Variants in PCDH15 observed in about 807,000 individuals in gnomAD.
The protein encoded by PCDH15 is protocadherin related 15, also known as protocadherin-15.
In PCDH15, 129 loss-of-function variants were observed where a neutral mutation model predicts 178.5. The observed-to-expected ratio is 0.72, with a 90% CI of 0.63 to 0.84. The LOEUF (loss-of-function observed/expected upper bound fraction) is 0.84, where lower values mean the gene tolerates loss of function less well. Ranked by LOEUF, PCDH15 falls within the 40% of genes least tolerant of loss-of-function variation. PCDH15 has a pLI of 0.00. For synonymous variants in PCDH15, 800 were observed against 732.0 expected, an observed-to-expected ratio of 1.09 and a Z score of -1.50; for missense variants, 2,230 against 2,099.9, an observed-to-expected ratio of 1.06 and a Z score of -1.21.
chr10:54,700,054 G>C (rs1397845823), intron 1 of PCDH15, among the ~76,000 whole-genome samples: 1 of 152,036 alleles, frequency 6.6e-6, no homozygotes, highest in Non-Finnish European at 1.5e-5. Context: ...AAAGCTAGGG[G>C]CCTGGCATTA....
intron 1 of PCDH15, among the ~76,000 whole-genome samples, chr10:54,772,420 G>A (rs989131269): frequency 1.7e-3 from 253 of 151,838 alleles, no homozygotes; most frequent in Middle Eastern, 3.4e-3. Flanking sequence ...ATTATGGCTT[G>A]GAAAAATCAC....
intron 29 of PCDH15, among the ~76,000 whole-genome samples, chr10:53,838,204 T>C (rs2077424535): frequency 6.6e-6 from 1 of 151,946 alleles, no homozygotes. Flanking sequence ...CTCGATCTCC[T>C]GACCTCGTGA....
chr10:54,676,754 A>C (rs1468718192), intron 1 of PCDH15, among the ~76,000 whole-genome samples: 1 of 152,208 alleles, frequency 6.6e-6, no homozygotes, highest in African/African-American at 2.4e-5. Context: ...CTTACGATTC[A>C]GCAAGATATT....
intron 3 of PCDH15, among the ~76,000 whole-genome samples, chr10:54,379,817 G>A (rs1304967187): frequency 6.6e-6 from 1 of 151,914 alleles, no homozygotes; most frequent in African/African-American, 2.4e-5. Flanking sequence ...TAAACTTATA[G>A]ATATAGAAGA....
intron 5 of PCDH15, among the ~76,000 whole-genome samples, chr10:54,357,552 T>A (rs528684838): frequency 7.2e-4 from 110 of 152,096 alleles, no homozygotes; most frequent in Middle Eastern, 6.8e-3. Flanking sequence ...TGCTCATGGG[T>A]AGGAAGAATC....
intron 2 of PCDH15, among the ~76,000 whole-genome samples, chr10:55,070,363 TC>T (rs1488720590): frequency 4.6e-5 from 7 of 151,520 alleles, no homozygotes; most frequent in Admixed American, 1.3e-4. Flanking sequence ...CATGCCTATG[TC>T]CTGAATGGTA....
chr10:54,917,699 G>T (rs1837376681), intron 2 of PCDH15, among the ~76,000 whole-genome samples: 1 of 152,178 alleles, frequency 6.6e-6, no homozygotes, highest in South Asian at 2.1e-4. Context: ...GAAGAATGAA[G>T]ACTAGAGGTG....
At chr10:55,053,588 CA>C (rs1313962039) in intron 2 of PCDH15, among the ~76,000 whole-genome samples, 1 of 152,142 alleles carries the variant, frequency 6.6e-6, no homozygotes, top group African/African-American at 2.4e-5. Context: ...CATGGTGAGG[CA>C]ATAAACTTGA....
chr10:54,379,963 T>G (rs1038452822), intron 3 of PCDH15, among the ~76,000 whole-genome samples: 21 of 151,954 alleles, frequency 1.4e-4, no homozygotes, highest in Non-Finnish European at 2.5e-4. Flanking sequence ...GCTTGAAAAA[T>G]ATAACGAAAA....
intron 9 of PCDH15, among the ~76,000 whole-genome samples, chr10:54,219,667 G>A (rs889264718): frequency 4.0e-5 from 6 of 149,726 alleles, no homozygotes; most frequent in African/African-American, 1.5e-4. Flanking sequence ...ATGAATTCTG[G>A]TCCCCTTGCA....
At chr10:54,853,318 T>TACACAC (rs1554806809) in intron 3 of PCDH15, among the ~76,000 whole-genome samples, 22 of 102,034 alleles carry the variant, frequency 2.2e-4, no homozygotes, top group African/African-American at 9.0e-4. Flanking sequence ...TATATATATA[T>TACACAC]ACATACACAC....
chr10:54,504,409 C>A (rs1408002330), intron 3 of PCDH15, among the ~76,000 whole-genome samples: 1 of 152,024 alleles, frequency 6.6e-6, no homozygotes, highest in Non-Finnish European at 1.5e-5. Context: ...TCCATTATTC[C>A]TCCTTCCCTC....
At chr10:55,295,576 AC>A (rs1843112440) in intron 1 of PCDH15, among the ~76,000 whole-genome samples, 1 of 152,236 alleles carries the variant, frequency 6.6e-6, no homozygotes, top group African/African-American at 2.4e-5. Flanking sequence ...AAAATGATTT[AC>A]CTAAACATAT....
At chr10:55,124,449 A>T (rs1837848631) in intron 2 of PCDH15, among the ~76,000 whole-genome samples, 1 of 152,132 alleles carries the variant, frequency 6.6e-6, no homozygotes, top group Non-Finnish European at 1.5e-5. Flanking sequence ...CTTTTTAAAA[A>T]CTTTAATAGA....
At chr10:54,712,006 A>C (rs116513972) in intron 1 of PCDH15, among the ~76,000 whole-genome samples, 2,608 of 152,014 alleles carry the variant, frequency 0.017, 73 homozygotes, top group African/African-American at 0.058. Flanking sequence ...ATACAAATGA[A>C]TATTACACAT....
At chr10:54,399,561 A>C (rs1159238289) in intron 3 of PCDH15, among the ~76,000 whole-genome samples, 1 of 152,112 alleles carries the variant, frequency 6.6e-6, no homozygotes, top group Non-Finnish European at 1.5e-5. Context: ...GAAAGTCTAA[A>C]TGAAGAACTT....
intron 10 of PCDH15, among the ~76,000 whole-genome samples, chr10:54,199,937 T>C (rs1394471071): frequency 6.6e-6 from 1 of 151,966 alleles, no homozygotes; most frequent in Non-Finnish European, 1.5e-5. Flanking sequence ...AAAAATGAAG[T>C]ATAAAAAGCA....
chr10:53,823,469 G>A, intron 32 of PCDH15: 1 of 1,043,730 alleles, frequency 9.6e-7, no homozygotes, highest in Non-Finnish European at 1.5e-6. Context: ...AAACATCAAA[G>A]GCCAAACAAC....
chr10:55,337,044 A>G (rs1287598017), intron 2 of PCDH15, among the ~76,000 whole-genome samples: 1 of 152,170 alleles, frequency 6.6e-6, no homozygotes, highest in Non-Finnish European at 1.5e-5. Context: ...TTCAGTGTCA[A>G]ATACCCACGA....
Sources: allele counts gnomAD v4.1 joint callset (sites outside exome capture counted in the v4.1 genomes callset), GRCh38; gene constraint gnomAD v4.1.1; transcripts MANE v1.5; gene names NCBI Gene and HGNC (gene_info 2026-07-23, HGNC 2026-07-21).